Variants in SLC35D2 observed in about 807,000 individuals in gnomAD.
The protein encoded by SLC35D2 is nucleotide sugar transporter SLC35D2.
SLC35D2 carries 43 observed loss-of-function variants against 41.8 expected under a neutral mutation model. The observed-to-expected ratio is 1.03, with a 90% CI of 0.81 to 1.33. SLC35D2 has a LOEUF of 1.33. Ranked by LOEUF, SLC35D2 falls within the 40% of genes most tolerant of loss-of-function variation. The pLI is 0.00. For missense variants in SLC35D2, 380 were observed against 408.4 expected (o/e 0.93, Z 0.60); for synonymous variants, 150 against 163.9 (o/e 0.92, Z 0.65).
chr9:96,366,947 A>C (rs1830497137), intron 2 of SLC35D2, among the ~76,000 whole-genome samples: 2 of 151,582 alleles, frequency 1.3e-5, no homozygotes, highest in Admixed American at 6.6e-5. Context: ...TTGGCCAGGC[A>C]CAGTGGCTCA....
intron 1 of SLC35D2, among the ~76,000 whole-genome samples, chr9:96,371,195 T>C (rs1231974221): frequency 6.6e-6 from 1 of 152,142 alleles, no homozygotes; most frequent in Non-Finnish European, 1.5e-5. Context: ...CCAGATGCAG[T>C]GGCTCATGCC....
At chr9:96,334,395 T>C (rs1370058514) in intron 9 of SLC35D2, among the ~76,000 whole-genome samples, 1 of 152,128 alleles carries the variant, frequency 6.6e-6, no homozygotes, top group Admixed American at 6.5e-5. Flanking sequence ...CCCAGCACTT[T>C]GGGAGGCCGA....
intron 11 of SLC35D2, among the ~76,000 whole-genome samples, chr9:96,315,530 T>C (rs1227454947): frequency 1.3e-5 from 2 of 150,428 alleles, no homozygotes; most frequent in Non-Finnish European, 1.5e-5. Flanking sequence ...GCCTTGCAGG[T>C]TCACACCATT....
At chr9:96,360,059 C>T (rs1314693780) in intron 4 of SLC35D2, 95 bp downstream of exon 4, 1 of 799,464 alleles carries the variant, frequency 1.3e-6, no homozygotes, top group Non-Finnish European at 2.1e-6. Context: ...ATATATGGTA[C>T]AAGCACTATC....
At chr9:96,382,928 A>G (rs1216583068) in intron 1 of SLC35D2, among the ~76,000 whole-genome samples, 2 of 152,236 alleles carry the variant, frequency 1.3e-5, no homozygotes, top group African/African-American at 4.8e-5. Context: ...CAATGGTAGC[A>G]GAATTAAGCA....
intron 9 of SLC35D2, among the ~76,000 whole-genome samples, chr9:96,334,877 G>A (rs547868818): frequency 5.9e-5 from 9 of 152,232 alleles, no homozygotes; most frequent in Non-Finnish European, 1.2e-4. Context: ...GAACAGATAC[G>A]TTTGGGAAAA....
At chr9:96,364,044 A>G (rs1246192369) in intron 3 of SLC35D2, among the ~76,000 whole-genome samples, 1 of 152,230 alleles carries the variant, frequency 6.6e-6, no homozygotes, top group Non-Finnish European at 1.5e-5. Flanking sequence ...GGCCAGGCAC[A>G]GTGGCTCACA....
chr9:96,318,325 T>C (rs1162496397), downstream of SLC35D2, among the ~76,000 whole-genome samples: 1 of 151,666 alleles, frequency 6.6e-6, no homozygotes, highest in African/African-American at 2.4e-5. Context: ...GGCAGGCTAA[T>C]TTTTTAGTAG....
intron 2 of SLC35D2, 124 bp downstream of exon 2, chr9:96,368,148 T>A (rs1830547721): frequency 1.6e-6 from 1 of 619,240 alleles, no homozygotes; most frequent in Non-Finnish European, 2.8e-6. Flanking sequence ...AGGAGTACCA[T>A]GACCCTCTGG....
chr9:96,346,593 C>T (rs1297848843), intron 6 of SLC35D2, among the ~76,000 whole-genome samples: 1 of 152,128 alleles, frequency 6.6e-6, no homozygotes, highest in Non-Finnish European at 1.5e-5. Context: ...CAAAATAATC[C>T]TGATCTCACA....
At chr9:96,352,317 T>A (rs551277944) in intron 4 of SLC35D2, among the ~76,000 whole-genome samples, 1 of 152,290 alleles carries the variant, frequency 6.6e-6, no homozygotes, top group South Asian at 2.1e-4. Flanking sequence ...ACTTATTTTT[T>A]ATTTATTTAT....
At chr9:96,357,247 A>T (rs574293578) in intron 4 of SLC35D2, among the ~76,000 whole-genome samples, 1 of 152,312 alleles carries the variant, frequency 6.6e-6, no homozygotes, top group Admixed American at 6.5e-5. Context: ...TGATCAACTG[A>T]TTTTCTACCA....
intron 9 of SLC35D2, among the ~76,000 whole-genome samples, chr9:96,327,012 G>A (rs1367269925): frequency 5.9e-5 from 9 of 152,090 alleles, no homozygotes; most frequent in Admixed American, 3.3e-4. Context: ...CACCTGCCCC[G>A]GAGCCACTCA....
chr9:96,321,885 C>A, intron 11 of SLC35D2, 113 bp downstream of exon 11: 1 of 649,826 alleles, frequency 1.5e-6, no homozygotes, highest in Non-Finnish European at 2.7e-6. Context: ...TGTCAAAACG[C>A]CTCCTGGCTT....
chr9:96,335,781 C>T (rs781116877), intron 9 of SLC35D2, among the ~76,000 whole-genome samples: 17 of 152,074 alleles, frequency 1.1e-4, no homozygotes, highest in Non-Finnish European at 1.8e-4. Flanking sequence ...GGGCCAGGCG[C>T]GGTGGCTCAC....
chr9:96,340,471 GC>G (rs1231118474), intron 8 of SLC35D2, among the ~76,000 whole-genome samples: 1 of 151,314 alleles, frequency 6.6e-6, no homozygotes, highest in Non-Finnish European at 1.5e-5. Flanking sequence ...ACAAAAATTA[GC>G]CGGGCATCAT....
chr9:96,342,980 G>T (rs1419373295), intron 8 of SLC35D2, among the ~76,000 whole-genome samples: 1 of 152,250 alleles, frequency 6.6e-6, no homozygotes, highest in Non-Finnish European at 1.5e-5. Context: ...CAATGACGGG[G>T]TTATCGCCTG....
intron 1 of SLC35D2, among the ~76,000 whole-genome samples, chr9:96,382,492 C>CTATAT (rs1238678610): frequency 4.2e-5 from 6 of 144,194 alleles, no homozygotes; most frequent in Admixed American, 2.1e-4. Flanking sequence ...CACACACACA[C>CTATAT]ACACTATATA....
Position 96,320,879 on chromosome 9 carries a change from C to A in SLC35D2, c.*363G>T, listed in dbSNP as rs913542782. On this transcript the variant is annotated 3_prime_UTR_variant, in exon 12 of 12. Coordinates refer to ENST00000253270, the MANE Select transcript of SLC35D2 (RefSeq NM_007001.3). ...GCTTTGGCTGGGACCTTGGGAATCA[C>A]GGCCAAGGTGCTGATCAGAAAAGAG... 3.0e-5 allele frequency: 5 copies of A among 164,210 alleles called. No homozygotes were observed. Among genetic ancestry groups the A allele is most frequent in the African/African-American group, 7.1e-5 (3 of 42,036 alleles). 10.2% of individuals were successfully genotyped at this position (164,210 alleles called of 1,614,324 possible).
Sources: allele counts gnomAD v4.1 joint callset (sites outside exome capture counted in the v4.1 genomes callset), GRCh38; gene constraint gnomAD v4.1.1; transcripts MANE v1.5; gene names NCBI Gene and HGNC (gene_info 2026-07-23, HGNC 2026-07-21).